The following NRXN3 variants were observed in gnomAD, a reference collection of about 807,000 sequenced individuals.
The protein encoded by NRXN3 is neurexin 3.
In NRXN3, 32 loss-of-function variants were observed where a neutral mutation model predicts 137.6. The observed-to-expected ratio is 0.23, with a 90% confidence interval of 0.18 to 0.31. The LOEUF is 0.31. NRXN3 is among the 10% of genes least tolerant of loss of function. The pLI is 1.00. For synonymous variants in NRXN3, 798 were observed against 784.5 expected, an observed-to-expected ratio of 1.02 and a Z score of -0.29; for missense variants, 1,574 against 2,062.5, an observed-to-expected ratio of 0.76 and a Z score of 4.59.
chr14:79,369,234 G>T (rs2094003940), intron 15 of NRXN3, among the ~76,000 whole-genome samples: 1 of 152,182 alleles, frequency 6.6e-6, no homozygotes, highest in Non-Finnish European at 1.5e-5. Flanking sequence ...TCAGGAACAG[G>T]TGGGCTTATA....
chr14:79,679,262 G>A (rs553603454), intron 17 of NRXN3, among the ~76,000 whole-genome samples: 17 of 152,052 alleles, frequency 1.1e-4, no homozygotes, highest in African/African-American at 3.9e-4. Flanking sequence ...CCATCAATGG[G>A]CAAATATAAA....
chr14:78,741,895 C>T (rs2098577106), intron 8 of NRXN3, among the ~76,000 whole-genome samples: 1 of 152,064 alleles, frequency 6.6e-6, no homozygotes, highest in Non-Finnish European at 1.5e-5. Flanking sequence ...AGATAATCTT[C>T]CCCAGCCTTT....
chr14:79,474,345 G>A (rs2096540778), intron 16 of NRXN3, among the ~76,000 whole-genome samples: 1 of 152,182 alleles, frequency 6.6e-6, no homozygotes, highest in Non-Finnish European at 1.5e-5. Context: ...GGGTGCTGTA[G>A]AGGTGATGAC....
intron 15 of NRXN3, among the ~76,000 whole-genome samples, chr14:78,999,929 C>G (rs1468572327): frequency 6.6e-6 from 1 of 152,148 alleles, no homozygotes; most frequent in Non-Finnish European, 1.5e-5. Flanking sequence ...CGTCAATCAT[C>G]AAATCCCACA....
intron 15 of NRXN3, among the ~76,000 whole-genome samples, chr14:79,210,024 G>C (rs12880733): frequency 0.59 from 89,395 of 151,938 alleles, 27,342 homozygotes; most frequent in Non-Finnish European, 0.69. Context: ...ATTTCCCCTT[G>C]AATTTACCCT....
At chr14:78,528,691 A>G (rs2096415802) in intron 4 of NRXN3, among the ~76,000 whole-genome samples, 1 of 152,198 alleles carries the variant, frequency 6.6e-6, no homozygotes. Context: ...TTCCATAGGC[A>G]GAAGGGATCA....
intron 15 of NRXN3, among the ~76,000 whole-genome samples, chr14:79,461,998 T>C (rs1415055530): frequency 6.6e-6 from 1 of 152,186 alleles, no homozygotes. Flanking sequence ...TTGCACATAA[T>C]TGTTATACTT....
rs575435311 is a variant in NRXN3, at chr14:78,908,221, A to T, written c.2276-49021A>T. ...TTACTAATATTTATGATTAAATTCA[A>T]TCCTCTTATTTATTTCCCATTATAG... On this transcript the variant is annotated intron_variant, in intron 10 of 20. Coordinates refer to ENST00000335750, the MANE Select transcript of NRXN3 (RefSeq NM_001330195.2). Among the ~76,000 whole-genome samples, 77 of 152,208 alleles carry T rather than the reference A, an allele frequency of 5.1e-4. No individual in the cohort carries two copies. The South Asian group carries it at 0.015, about 29-fold the overall frequency.
chr14:79,385,960 C>A (rs1020491806), intron 15 of NRXN3, among the ~76,000 whole-genome samples: 45 of 152,148 alleles, frequency 3.0e-4, no homozygotes, highest in African/African-American at 1.1e-3. Context: ...ACCTCAAAAT[C>A]ATAAGAGCTA....
intron 19 of NRXN3, among the ~76,000 whole-genome samples, chr14:79,765,602 A>G (rs973172774): frequency 1.3e-5 from 2 of 152,224 alleles, no homozygotes; most frequent in African/African-American, 4.8e-5. Context: ...TAGATTGCTC[A>G]TTTATTTGCT....
At chr14:79,017,896 G>C (rs1402711283) in intron 15 of NRXN3, among the ~76,000 whole-genome samples, 1 of 151,954 alleles carries the variant, frequency 6.6e-6, no homozygotes, top group Non-Finnish European at 1.5e-5. Flanking sequence ...AGAAAATCAG[G>C]AGTCCTTATC....
intron 19 of NRXN3, among the ~76,000 whole-genome samples, chr14:79,723,248 A>G (rs1344497294): frequency 6.6e-6 from 1 of 152,138 alleles, no homozygotes; most frequent in Non-Finnish European, 1.5e-5. Flanking sequence ...CCATGACTGA[A>G]GAAAAATGGA....
At chr14:79,277,885 A>C (rs1288386674) in intron 15 of NRXN3, among the ~76,000 whole-genome samples, 5 of 152,188 alleles carry the variant, frequency 3.3e-5, no homozygotes, top group Admixed American at 6.5e-5. Context: ...GGCAGCTTGA[A>C]GCTTTTGGAG....
intron 4 of NRXN3, among the ~76,000 whole-genome samples, chr14:78,339,043 C>G (rs1177509125): frequency 6.6e-6 from 1 of 152,104 alleles, no homozygotes; most frequent in Non-Finnish European, 1.5e-5. Flanking sequence ...GGTCTGCAGT[C>G]CTCTGTGGTC....
At chr14:79,537,706 G>A (rs1026310426) in intron 16 of NRXN3, among the ~76,000 whole-genome samples, 1 of 152,134 alleles carries the variant, frequency 6.6e-6, no homozygotes, top group Non-Finnish European at 1.5e-5. Flanking sequence ...GGACATTTGG[G>A]TTGGTTCCAA....
intron 19 of NRXN3, among the ~76,000 whole-genome samples, chr14:79,715,661 G>A (rs1293719124): frequency 6.6e-6 from 1 of 152,160 alleles, no homozygotes; most frequent in Non-Finnish European, 1.5e-5. Context: ...TTATATCATG[G>A]GAAGAAGGCA....
rs143008324 is a variant in NRXN3, at chr14:79,657,084, A to ATTGT, written c.3445-6689_3445-6686dup. ...CCCATCATTAACATATTTTTACATCATTGTTTGTAGATACCTTCAGAATTT... is the reference window on the plus strand; with the variant it reads ...CCCATCATTAACATATTTTTACATCATTGTTTGTTTGTAGATACCTTCAGAATTT... On this transcript the variant is annotated intron_variant, in intron 16 of 20. Coordinates refer to ENST00000335750, the MANE Select transcript of NRXN3 (RefSeq NM_001330195.2). Among the ~76,000 whole-genome samples, 3,278 of 152,108 alleles carry ATTGT rather than the reference A, an allele frequency of 0.022. 198 individuals carry two copies. The East Asian group carries it at 0.24, about 11-fold the overall frequency.
intron 3 of NRXN3, among the ~76,000 whole-genome samples, chr14:78,288,636 T>C (rs1392351196): frequency 1.3e-5 from 2 of 152,236 alleles, no homozygotes; most frequent in Non-Finnish European, 2.9e-5. Context: ...GGGAAGTTCA[T>C]GACAGCTGGA....
chr14:78,629,834 T>G (rs1226667932), intron 4 of NRXN3, among the ~76,000 whole-genome samples: 1 of 152,212 alleles, frequency 6.6e-6, no homozygotes, highest in African/African-American at 2.4e-5. Context: ...AAATAATGAC[T>G]TTAAAAAGTA....
Sources: gnomAD v4.1 joint callset for allele counts (sites outside exome capture counted in the v4.1 genomes callset) on GRCh38, gnomAD v4.1.1 for gene constraint, MANE v1.5 for transcripts, NCBI Gene and HGNC (gene_info 2026-07-23, HGNC 2026-07-21) for gene names.